ASTN2: variants seen among roughly 807,000 people sequenced by gnomAD.
ASTN2 encodes astrotactin 2, also known as astrotactin-2.
In ASTN2, 54 loss-of-function variants were observed where a neutral mutation model predicts 139.8. That is an observed-to-expected ratio of 0.39 (90% CI 0.31 to 0.48). The LOEUF (loss-of-function observed/expected upper bound fraction) is 0.48. Among genes scored for constraint, ASTN2 ranks in the 20% least tolerant of loss-of-function variants. The pLI is 0.95. For synonymous variants in ASTN2, 756 were observed against 719.5 expected, an observed-to-expected ratio of 1.05 and a Z score of -0.81; for missense variants, 1,565 against 1,725.1, an observed-to-expected ratio of 0.91 and a Z score of 1.64.
chr9:116,654,920 T>C (rs1858121142), intron 16 of ASTN2, among the ~76,000 whole-genome samples: 1 of 152,230 alleles, frequency 6.6e-6, no homozygotes, highest in African/African-American at 2.4e-5. Flanking sequence ...CTATAGATCT[T>C]TGCTAGTCTG....
intron 4 of ASTN2, among the ~76,000 whole-genome samples, chr9:117,130,516 C>A (rs1829802438): frequency 1.3e-5 from 2 of 152,144 alleles, no homozygotes; most frequent in African/African-American, 4.8e-5. Flanking sequence ...CATAGCTTGG[C>A]TTTGCATTTC....
rs1853102733 is a variant in ASTN2 at position 116,564,863 on chromosome 9, T to C, written c.3355+53461A>G. On this transcript the variant is annotated intron_variant, in intron 19 of 22. Transcript: ENST00000313400. ...TAATCTGTATTCATTCATAAATGCA[T>C]ACACAGATTCAGTTTCTTAATCAAC... 4.6e-5 allele frequency among the ~76,000 whole-genome samples: 7 copies of C among 152,202 alleles called. No homozygotes were observed. The South Asian group carries it at 1.4e-3, about 32-fold the overall frequency.
intron 3 of ASTN2, among the ~76,000 whole-genome samples, chr9:117,175,059 A>G (rs1830884097): frequency 6.6e-6 from 1 of 152,176 alleles, no homozygotes; most frequent in African/African-American, 2.4e-5. Context: ...TTTTTTCCAC[A>G]TGAAAATTTA....
In ASTN2 at chr9:116,487,378, C is replaced by A; in HGVS notation, c.3478G>T (p.Glu1160Ter). 1.2e-6 allele frequency: 2 copies of A among 1,614,028 alleles called. No homozygotes were observed. Among genetic ancestry groups the A allele is most frequent in the Non-Finnish European group, 1.7e-6 (2 of 1,179,946 alleles). The change falls in exon 20 of 23, where the codon GAG becomes TAG. Residue 1160 changes from glutamate to a stop codon, truncating the protein, a stop_gained. Coordinates refer to ENST00000313400, the MANE Select transcript of ASTN2 (RefSeq NM_001365068.1). LOFTEE classifies it high-confidence loss of function. ...SIYSVIFKCL[E>*]PDGLYKFTLY... ...TCTTACTTGTAGAGACCGTCGGGCT[C>A]CAGACACTTGAAGATGACTGAGTAG...
intron 10 of ASTN2, among the ~76,000 whole-genome samples, chr9:116,876,850 G>T (rs1197730884): frequency 6.6e-6 from 1 of 152,106 alleles, no homozygotes; most frequent in Non-Finnish European, 1.5e-5. Context: ...TATGCACTAG[G>T]AAACAAAAGT....
intron 2 of ASTN2, among the ~76,000 whole-genome samples, chr9:117,260,122 A>G (rs1284530705): frequency 6.6e-6 from 1 of 152,114 alleles, no homozygotes; most frequent in Non-Finnish European, 1.5e-5. Flanking sequence ...AGAGGGGATC[A>G]GGTACAGCCT....
At chr9:116,832,235 AT>A (rs1471996423) in intron 11 of ASTN2, among the ~76,000 whole-genome samples, 1 of 152,192 alleles carries the variant, frequency 6.6e-6, no homozygotes, top group Admixed American at 6.5e-5. Flanking sequence ...CTAGAAATTT[AT>A]TTTGTAGATT....
chr9:116,978,213 T>C (rs189920591), intron 7 of ASTN2, among the ~76,000 whole-genome samples: 57 of 152,280 alleles, frequency 3.7e-4, no homozygotes, highest in Admixed American at 3.3e-3. Context: ...TATTTTTCTT[T>C]GGGAGCCTTG....
chr9:116,608,282 G>A (rs982202053), intron 19 of ASTN2, among the ~76,000 whole-genome samples: 2 of 152,186 alleles, frequency 1.3e-5, no homozygotes, highest in Non-Finnish European at 2.9e-5. Flanking sequence ...AGTACTGATT[G>A]ATGTATGTAC....
At chr9:116,779,033 A>C (rs547898132) in intron 13 of ASTN2, among the ~76,000 whole-genome samples, 1 of 152,332 alleles carries the variant, frequency 6.6e-6, no homozygotes, top group Admixed American at 6.5e-5. Context: ...TACACTTTAA[A>C]CTTGATGTTT....
chr9:117,181,720 G>A (rs2132946937), intron 3 of ASTN2, among the ~76,000 whole-genome samples: 1 of 152,266 alleles, frequency 6.6e-6, no homozygotes, highest in Non-Finnish European at 1.5e-5. Context: ...AAAATCATGT[G>A]TATTAAATAA....
chr9:117,408,057 C>T (rs990407779), intron 1 of ASTN2, among the ~76,000 whole-genome samples: 6 of 152,114 alleles, frequency 3.9e-5, no homozygotes, highest in Non-Finnish European at 8.8e-5. Flanking sequence ...AACCCATCAG[C>T]CCAGGTGCTT....
chr9:117,334,369 C>G (rs1828807519), intron 1 of ASTN2, among the ~76,000 whole-genome samples: 1 of 152,094 alleles, frequency 6.6e-6, no homozygotes, highest in East Asian at 1.9e-4. Flanking sequence ...CCTTCACTGA[C>G]CCCTGAGACT....
intron 1 of ASTN2, among the ~76,000 whole-genome samples, chr9:117,318,994 G>A (rs1828234691): frequency 6.6e-6 from 1 of 152,158 alleles, no homozygotes; most frequent in Non-Finnish European, 1.5e-5. Context: ...GTTTTCTACA[G>A]GGCACCTCTT....
At chr9:116,985,336 G>T (rs1836645800) in intron 7 of ASTN2, among the ~76,000 whole-genome samples, 1 of 152,194 alleles carries the variant, frequency 6.6e-6, no homozygotes, top group African/African-American at 2.4e-5. Flanking sequence ...GAGGCTGAAA[G>T]GTTCTGGTGG....
At chr9:116,928,166 G>A (rs1834807761) in intron 10 of ASTN2, among the ~76,000 whole-genome samples, 1 of 152,128 alleles carries the variant, frequency 6.6e-6, no homozygotes, top group Admixed American at 6.6e-5. Flanking sequence ...GATGCCGTAT[G>A]TGAAAAACCT....
At chr9:116,581,068 T>C (rs1437852148) in intron 19 of ASTN2, among the ~76,000 whole-genome samples, 2 of 152,168 alleles carry the variant, frequency 1.3e-5, no homozygotes, top group African/African-American at 4.8e-5. Context: ...TTGGCAGAAA[T>C]GAGCCTTAGT....
At position 117,039,927 on chromosome 9, in the gene ASTN2, G is replaced by T. The variant is rs777011118; in HGVS notation, c.1315C>A (p.Leu439Met). The part of the protein sequence containing the change: ...KSPVNKTALT[L>M]IAVSSCILAM... ...AGGATGCAGGAACTCACAGCAATCA[G>T]TGTCAGGGCTGTCTTGTTCACTGGG... Residue 439 changes from leucine (L) to methionine (M), a missense_variant, in exon 6 of 23, where the codon CTG (leucine) becomes ATG (methionine). Leu to Met is a conservative substitution (Grantham distance 15, BLOSUM62 2). Transcript: ENST00000313400. 1 of 1,613,784 alleles carries T rather than the reference G, an allele frequency of 6.2e-7. No homozygotes were observed. Among genetic ancestry groups the T allele is most frequent in the Non-Finnish European group, 8.5e-7 (1 of 1,179,812 alleles).
At chr9:117,339,452 C>T (rs1027844499) in intron 1 of ASTN2, among the ~76,000 whole-genome samples, 8 of 152,048 alleles carry the variant, frequency 5.3e-5, no homozygotes, top group Admixed American at 3.3e-4. Flanking sequence ...ACACACAGTC[C>T]GCTGCTGCCA....
Sources: allele counts gnomAD v4.1 joint callset (sites outside exome capture counted in the v4.1 genomes callset), GRCh38; gene constraint gnomAD v4.1.1; transcripts MANE v1.5; gene names NCBI Gene and HGNC (gene_info 2026-07-23, HGNC 2026-07-21).